The following COL1A1 variants were observed in gnomAD, a reference collection of about 807,000 sequenced individuals.
The protein encoded by COL1A1 is collagen alpha-1(I) chain.
COL1A1 carries 21 observed loss-of-function variants against 195.7 expected under a neutral mutation model. The ratio of observed to expected loss-of-function variants is 0.11; its 90% CI spans 0.08 to 0.15. COL1A1 has a LOEUF of 0.15. Among genes scored for constraint, COL1A1 ranks in the 10% least tolerant of loss-of-function variants. COL1A1 has a pLI of 1.00. For synonymous variants in COL1A1, 749 were observed against 747.3 expected (o/e 1.00, Z -0.04); for missense variants, 1,365 against 2,051.0 (o/e 0.67, Z 6.46).
At chr17:50,198,099 C>T (rs1598300220) in intron 7 of COL1A1, 62 bp downstream of exon 7, 1 of 1,609,594 alleles carries the variant, frequency 6.2e-7, no homozygotes, top group Non-Finnish European at 8.5e-7. Context: ...TGCCCTCATC[C>T]CAGTCTTCCC....
In COL1A1 at chr17:50,189,033, G is replaced by A. The variant is rs1465371844; in HGVS notation, c.2938-23C>T. On this transcript the variant is annotated intron_variant, in intron 40 of 50. Coordinates refer to ENST00000225964, the MANE Select transcript of COL1A1 (RefSeq NM_000088.4). The surrounding 1 kb of genome is among the most constrained non-coding windows in gnomAD (Gnocchi z 5.5). ...ACCCTAAGGGAGAAGAAAGAGTCAG[G>A]CCAGAGATAGGGTCTGGGAGGACCC... 6.2e-7 allele frequency: 1 copy of A among 1,600,638 alleles called. No homozygotes were observed. The highest frequency in any genetic ancestry group is 2.2e-5 in the East Asian group (1 of 44,774).
Position 50,187,174 on chromosome 17 carries a change from C to T in COL1A1, c.3424-52G>A, listed in dbSNP as rs1464389594. ...AGGCTGCCAGAAGCCCGAACAACCC[C>T]AGCTCTGGAGGAGAGGCCCACCACC... On this transcript the variant is annotated intron_variant, in intron 46 of 50. Transcript: ENST00000225964. 9 of 1,445,464 alleles carry T rather than the reference C, an allele frequency of 6.2e-6. No homozygotes were observed. The East Asian group carries it at 2.2e-4, about 35-fold the overall frequency. The allele number at this position is 1,445,464 out of a possible 1,614,324, so 89.5% of individuals were successfully genotyped here. A position where few individuals can be genotyped will look rare whatever the true frequency, so the allele number is the denominator to read the frequency against.
chr17:50,186,635 C>G lies in COL1A1; in HGVS notation c.3814+5G>C, dbSNP rs1312623011. ...AGGGAGGGAGAGGCTAGGGCAGGCC[C>G]TCACCACTCTTCCAGTCAGAGTGGC... On this transcript the variant is annotated splice_donor_5th_base_variant and intron_variant, in intron 48 of 50. Coordinates refer to ENST00000225964, the MANE Select transcript of COL1A1 (RefSeq NM_000088.4). This position sits in a 1 kb window ranked among gnomAD's most constrained non-coding sequence, Gnocchi z 5.3. 6.2e-7 allele frequency: 1 copy of G among 1,613,524 alleles called. No individual in the cohort carries two copies. Among genetic ancestry groups the G allele is most frequent in the Non-Finnish European group, 8.5e-7 (1 of 1,179,998 alleles).
intron 25 of COL1A1, chr17:50,193,484 C>CTTTTTTTTTT (rs3062009): frequency 5.9e-6 from 1 of 168,938 alleles, no homozygotes; most frequent in Non-Finnish European, 1.2e-5. Flanking sequence ...TTTCTTTCTT[C>CTTTTTTTTTT]TTTTTTTTTT....
chr17:50,195,106 A>AG lies in COL1A1; in HGVS notation c.1300-7dup, dbSNP rs776544779. 4.7e-5 allele frequency: 76 copies of AG among 1,613,312 alleles called. No individual in the cohort carries two copies. The highest frequency in any genetic ancestry group is 1.6e-4 in the East Asian group (7 of 44,860). On this transcript the variant is annotated splice_region_variant and splice_polypyrimidine_tract_variant and intron_variant, in intron 19 of 50. Coordinates refer to ENST00000225964, the MANE Select transcript of COL1A1 (RefSeq NM_000088.4). This position sits in a 1 kb window ranked among gnomAD's most constrained non-coding sequence, Gnocchi z 4.3. ...CCAGGAGCACCAGGTTCACCCTGCA[A>AG]GGGGGGAGAAGAGGATGAGCTGAGA... is the stretch of plus-strand genomic sequence containing the variant.
At chr17:50,197,707 G>T (rs1251009896) in intron 9 of COL1A1, 25 bp downstream of exon 9, 2 of 1,563,240 alleles carry the variant, frequency 1.3e-6, no homozygotes, top group South Asian at 2.4e-5. Flanking sequence ...GGGTCAGATG[G>T]TATCTTCTTG....
In COL1A1 at chr17:50,193,911, T is replaced by C. The variant is rs780061488; in HGVS notation, c.1767+32A>G. 5.0e-6 allele frequency: 8 copies of C among 1,593,992 alleles called. No individual in the cohort carries two copies. The Admixed American group carries it at 1.3e-4, about 27-fold the overall frequency. Reference sequence around the variant, plus strand: ...TTCAAGTCTCAGGTGTGTTTGTCCCTGGCTCTTCATGGATCCTCACTTAAT... The same window carrying C: ...TTCAAGTCTCAGGTGTGTTTGTCCCCGGCTCTTCATGGATCCTCACTTAAT... On this transcript the variant is annotated intron_variant, in intron 25 of 50. Transcript: ENST00000225964.
intron 8 of COL1A1, 75 bp downstream of exon 8, chr17:50,197,874 C>G (rs1050001074): frequency 1.9e-6 from 3 of 1,590,886 alleles, no homozygotes; most frequent in African/African-American, 2.7e-5. Flanking sequence ...AGGAAGACCC[C>G]AGGCCTGGGA....
Position 50,190,040 on chromosome 17 carries a change from G to A in COL1A1, c.2520C>T (p.Pro840=). The change falls in exon 36 of 51, where the codon CCC becomes CCT. Residue 840 remains proline (P), a synonymous_variant. Transcript: ENST00000225964. The surrounding 1 kb of genome is among the most constrained non-coding windows in gnomAD (Gnocchi z 4.7). ...GDAGAKGDAG[P]PGPAGPAGPP... is the part of the protein sequence containing the mutation. ...GTCCAGCGGGTCCGGCAGGGCCAGG[G>A]GGACCAGCATCGCCTTTAGCACCAG... 1 of 1,613,754 alleles carries A rather than the reference G, an allele frequency of 6.2e-7. No homozygotes were observed. The highest frequency in any genetic ancestry group is 1.3e-5 in the African/African-American group (1 of 75,014).
Position 50,195,687 on chromosome 17 carries a change from A to G in COL1A1, c.1057-22T>C. On this transcript the variant is annotated intron_variant, in intron 16 of 50. Coordinates refer to ENST00000225964, the MANE Select transcript of COL1A1 (RefSeq NM_000088.4). This position sits in a 1 kb window ranked among gnomAD's most constrained non-coding sequence, Gnocchi z 4.3. Reference sequence around the variant, plus strand: ...CACCCTGAATCAGAAGAAAGGACATATCAGAAGCCACCCTGGGAAACCCAA... The same window carrying G: ...CACCCTGAATCAGAAGAAAGGACATGTCAGAAGCCACCCTGGGAAACCCAA... 1 of 1,611,060 alleles carries G rather than the reference A, an allele frequency of 6.2e-7. No individual in the cohort carries two copies. Among genetic ancestry groups the G allele is most frequent in the Non-Finnish European group, 8.5e-7 (1 of 1,178,080 alleles).
At chr17:50,191,028 C>T (rs774530381) in intron 32 of COL1A1, 104 bp from the exon 33 acceptor site, 7 of 1,049,202 alleles carry the variant, frequency 6.7e-6, no homozygotes, top group Non-Finnish European at 1.0e-5. Flanking sequence ...GCAGCTCTGC[C>T]CTGCCTCCAC....
At position 50,186,365 on chromosome 17, in the gene COL1A1, C is replaced by T; in HGVS notation, c.3957G>A (p.Lys1319=). 1.9e-6 allele frequency: 3 copies of T among 1,614,208 alleles called. No homozygotes were observed. Among genetic ancestry groups the T allele is most frequent in the African/African-American group, 1.3e-5 (1 of 75,058 alleles). The part of the protein sequence containing the change: ...QKNWYISKNP[K]DKRHVWFGES... ...CGCCGAACCAGACATGCCTCTTGTC[C>T]TTGGGGTTCTTGCTGATGTACCAGT... Residue 1319 remains lysine, a synonymous_variant, in exon 49 of 51, where the codon AAG becomes AAA. Coordinates refer to ENST00000225964, the MANE Select transcript of COL1A1 (RefSeq NM_000088.4). This position sits in a 1 kb window ranked among gnomAD's most constrained non-coding sequence, Gnocchi z 5.3.
At position 50,188,066 on chromosome 17, in the gene COL1A1, A is replaced by G; in HGVS notation, c.3261+30T>C. ...CACTGTCTGCATCTGTAGAGTTCTA[A>G]AGGCATGGGGGACACAGCAGGGTAC... is the stretch of plus-strand genomic sequence containing the variant. On this transcript the variant is annotated intron_variant, in intron 44 of 50. Coordinates refer to ENST00000225964, the MANE Select transcript of COL1A1 (RefSeq NM_000088.4). This position sits in a 1 kb window ranked among gnomAD's most constrained non-coding sequence, Gnocchi z 5.6. 16 of 1,613,194 alleles carry G rather than the reference A, an allele frequency of 9.9e-6. No homozygotes were observed. The highest frequency in any genetic ancestry group is 1.4e-5 in the Non-Finnish European group (16 of 1,179,550).
chr17:50,193,485 T>TC (rs1555573565), intron 25 of COL1A1: 6 of 50,926 alleles, frequency 1.2e-4, no homozygotes, highest in Middle Eastern at 0.012. Context: ...TTCTTTCTTC[T>TC]TTTTTTTTTT....
At position 50,191,363 on chromosome 17, in the gene COL1A1, AG is replaced by A. The variant is rs1173670888; in HGVS notation, c.2235+19del. 1 of 1,600,488 alleles carries A rather than the reference AG, an allele frequency of 6.2e-7. No homozygotes were observed. Among genetic ancestry groups the A allele is most frequent in the East Asian group, 2.2e-5 (1 of 44,798 alleles). Reference sequence around the variant, plus strand: ...ATGGGAGCCATGTAGGGCTCAGGGGAGGGGGAAGGTTGAACTTACTCTGTCA... The same window carrying A: ...ATGGGAGCCATGTAGGGCTCAGGGGAGGGGAAGGTTGAACTTACTCTGTCA... On this transcript the variant is annotated intron_variant, in intron 32 of 50. Coordinates refer to ENST00000225964, the MANE Select transcript of COL1A1 (RefSeq NM_000088.4).
Position 50,190,783 on chromosome 17 carries a change from G to A in COL1A1, c.2343+34C>T, listed in dbSNP as rs149027707. ...CCCAGGCCTGCTGAGGAGGCTATGT[G>A]TTAGGGCAGAAGGTGGGGAGGCGGC... On this transcript the variant is annotated intron_variant, in intron 33 of 50. Transcript: ENST00000225964. The surrounding 1 kb of genome is among the most constrained non-coding windows in gnomAD (Gnocchi z 4.7). The A allele has an allele frequency of 6.3e-7, 1 of 1,581,894 alleles. No homozygotes were observed. Among genetic ancestry groups the A allele is most frequent in the South Asian group, 1.1e-5 (1 of 90,418 alleles).
chr17:50,196,351 G>A lies in COL1A1; in HGVS notation c.920C>T (p.Pro307Leu), dbSNP rs1447939361. The A allele has an allele frequency of 6.2e-7, 1 of 1,613,010 alleles. No individual in the cohort carries two copies. Among genetic ancestry groups the A allele is most frequent in the Non-Finnish European group, 8.5e-7 (1 of 1,179,438 alleles). Residue 307 changes from proline to leucine, a missense_variant, in exon 14 of 51, where the codon CCT (proline) becomes CTT (leucine). Around this residue, in one of 5 missense-constraint regions of COL1A1, gnomAD observed 226 missense variants for 372.9 expected, o/e 0.61. Coordinates refer to ENST00000225964, the MANE Select transcript of COL1A1 (RefSeq NM_000088.4). ...GGCTCCAGGGCGACCTCTCTCACCAGGCAGGCCACGGGGGCCCTGACAACC... is the reference window on the plus strand; with the variant it reads ...GGCTCCAGGGCGACCTCTCTCACCAAGCAGGCCACGGGGGCCCTGACAACC... ...APGQMGPRGL[P>L]GERGRPGAPG...
intron 32 of COL1A1, 52 bp downstream of exon 32, chr17:50,191,331 G>T: frequency 1.4e-6 from 2 of 1,464,620 alleles, no homozygotes; most frequent in South Asian, 1.1e-5. Flanking sequence ...ATTCAAAGCA[G>T]GCAGAGATGG....
At chr17:50,201,368 G>A (rs748902981) in intron 1 of COL1A1, 43 bp downstream of exon 1, 13 of 1,581,146 alleles carry the variant, frequency 8.2e-6, no homozygotes, top group Admixed American at 1.7e-5. Flanking sequence ...AGCGCAAGGC[G>A]CGATATAGAG....
Sources: gnomAD v4.1 joint callset for allele counts on GRCh38, gnomAD v4.1.1 for gene constraint, gnomAD v4.1.1 regional missense constraint, Gnocchi (gnomAD v3.1) non-coding constraint, MANE v1.5 for transcripts, NCBI Gene and HGNC (gene_info 2026-07-23, HGNC 2026-07-21) for gene names.